FYN: variants seen among roughly 807,000 people sequenced by gnomAD.
FYN encodes the protein FYN proto-oncogene, Src family tyrosine kinase.
In FYN, 10 loss-of-function variants were observed where a neutral mutation model predicts 70.2. The observed-to-expected ratio is 0.14, with a 90% confidence interval of 0.09 to 0.24. The LOEUF (loss-of-function observed/expected upper bound fraction) is 0.24. FYN is among the 10% of genes least tolerant of loss of function. The probability of loss-of-function intolerance (pLI) is 1.00; values close to 1 mark genes in which losing one functional copy is unlikely to be tolerated. For missense variants in FYN, 319 were observed against 673.1 expected (o/e 0.47, Z 5.82); for synonymous variants, 236 against 248.6 (o/e 0.95, Z 0.48).
chr6:111,731,704 G>A lies in FYN; in HGVS notation c.-11-11642C>T, dbSNP rs553722898. ...GAAAGCATAGTCTATCTAATTCCAC[G>A]GCCTCTATGGGGACAGAATGGCTCA... is the stretch of plus-strand genomic sequence containing the variant. On this transcript the variant is annotated intron_variant, in intron 3 of 13. Coordinates refer to ENST00000354650, the MANE Select transcript of FYN (RefSeq NM_002037.5). 7.9e-5 allele frequency among the ~76,000 whole-genome samples: 12 copies of A among 152,222 alleles called. No individual in the cohort carries two copies. The East Asian group carries it at 1.5e-3, about 20-fold the overall frequency.
intron 3 of FYN, among the ~76,000 whole-genome samples, chr6:111,767,694 C>T (rs185207527): frequency 9.2e-5 from 14 of 152,344 alleles, no homozygotes; most frequent in African/African-American, 3.1e-4. Context: ...GTCACCCTGC[C>T]TGGCCCTTAG....
At chr6:111,856,698 T>G (rs1388917347) in intron 1 of FYN, among the ~76,000 whole-genome samples, 1 of 152,230 alleles carries the variant, frequency 6.6e-6, no homozygotes, top group African/African-American at 2.4e-5. Flanking sequence ...CTCTTTTCAA[T>G]TTAAATTATG....
intron 1 of FYN, among the ~76,000 whole-genome samples, chr6:111,848,365 T>A (rs1047687629): frequency 1.1e-4 from 17 of 152,312 alleles, no homozygotes; most frequent in African/African-American, 4.1e-4. Flanking sequence ...TCCAACAACA[T>A]AGGATGCCCA....
intron 12 of FYN, among the ~76,000 whole-genome samples, chr6:111,690,282 G>A (rs914279761): frequency 6.6e-6 from 1 of 152,076 alleles, no homozygotes; most frequent in African/African-American, 2.4e-5. Flanking sequence ...GTAGGGAGGT[G>A]GCTGTGACCA....
chr6:111,856,336 T>C (rs1212124142), intron 1 of FYN, among the ~76,000 whole-genome samples: 1 of 152,222 alleles, frequency 6.6e-6, no homozygotes, highest in Non-Finnish European at 1.5e-5. Context: ...AAGATATTAA[T>C]TTCAAATACT....
At chr6:111,852,954 C>G (rs1309880991) in intron 1 of FYN, among the ~76,000 whole-genome samples, 4 of 152,310 alleles carry the variant, frequency 2.6e-5, no homozygotes, top group Admixed American at 2.6e-4. Flanking sequence ...AGAGAAGCAA[C>G]AGAACCAGTT....
intron 3 of FYN, among the ~76,000 whole-genome samples, chr6:111,747,938 A>T (rs990519023): frequency 6.6e-6 from 1 of 152,256 alleles, no homozygotes; most frequent in Non-Finnish European, 1.5e-5. Flanking sequence ...AAACAGCCTC[A>T]GCGTCTATAC....
chr6:111,841,119 C>A (rs1230219480), intron 2 of FYN, among the ~76,000 whole-genome samples: 1 of 152,218 alleles, frequency 6.6e-6, no homozygotes, highest in African/African-American at 2.4e-5. Context: ...GTCTGGGAAC[C>A]AGCAGTGGAA....
chr6:111,687,605 G>GGTGT lies in FYN; in HGVS notation c.1273+6766_1273+6769dup, dbSNP rs367956399. Among the ~76,000 whole-genome samples the GGTGT allele has an allele frequency of 5.5e-3, 789 of 143,366 alleles. 7 individuals are homozygous for GGTGT. Among genetic ancestry groups the GGTGT allele is most frequent in the African/African-American group, 0.011 (405 of 37,300 alleles). The allele number at this position is 143,366 out of a possible 152,430, so 94.1% of individuals were successfully genotyped here. ...AGGAAAACCCAAAGTGGGGTGGGTG[G>GGTGT]GTGTGTGTGTGTGTGTGTGTGTGTG... On this transcript the variant is annotated intron_variant, in intron 12 of 13. Transcript: ENST00000354650.
intron 4 of FYN, 139 bp downstream of exon 4, chr6:111,719,666 A>T: frequency 1.0e-6 from 1 of 954,702 alleles, no homozygotes; most frequent in Non-Finnish European, 1.5e-6. Context: ...ACAACCCCTC[A>T]TCTAGTAGAG....
At chr6:111,841,572 A>T (rs1773358284) in intron 2 of FYN, among the ~76,000 whole-genome samples, 2 of 152,232 alleles carry the variant, frequency 1.3e-5, no homozygotes, top group African/African-American at 4.8e-5. Flanking sequence ...CAACCGAATA[A>T]GATAACATGT....
At chr6:111,849,737 G>A (rs898270792) in intron 1 of FYN, among the ~76,000 whole-genome samples, 9 of 152,174 alleles carry the variant, frequency 5.9e-5, no homozygotes, top group African/African-American at 2.2e-4. Context: ...CCTGGTGCTG[G>A]GCTATGCCTT....
At chr6:111,821,317 A>C (rs1234962774) in intron 2 of FYN, among the ~76,000 whole-genome samples, 2 of 152,196 alleles carry the variant, frequency 1.3e-5, no homozygotes, top group African/African-American at 4.8e-5. Context: ...CAGAGCCCTC[A>C]GAAATAATAC....
chr6:111,690,691 C>T (rs1799277849), intron 12 of FYN, among the ~76,000 whole-genome samples: 1 of 152,218 alleles, frequency 6.6e-6, no homozygotes, highest in Admixed American at 6.5e-5. Flanking sequence ...AAACACTTTA[C>T]ATGCATTGTT....
Position 111,694,612 on chromosome 6 carries a change from AC to A in FYN, c.1119+15del. On this transcript the variant is annotated intron_variant, in intron 11 of 13. Coordinates refer to ENST00000354650, the MANE Select transcript of FYN (RefSeq NM_002037.5). This position sits in a 1 kb window ranked among gnomAD's most constrained non-coding sequence, Gnocchi z 5.0. ...CATTAAATCTATGGCACATCAAGTT[AC>A]CCTGCAGGGCCTACCTGTGCTGCCA... The A allele has an allele frequency of 6.2e-7, 1 of 1,613,640 alleles. No individual in the cohort carries two copies. Among genetic ancestry groups the A allele is most frequent in the East Asian group, 2.2e-5 (1 of 44,890 alleles).
intron 12 of FYN, among the ~76,000 whole-genome samples, chr6:111,678,143 TGTGTGTG>T (rs1393096351): frequency 6.6e-6 from 1 of 151,170 alleles, no homozygotes; most frequent in East Asian, 1.9e-4. Context: ...TGTGTGTGTG[TGTGTGTG>T]GTGTGTGTAC....
At chr6:111,792,648 T>G (rs1490496695) in intron 2 of FYN, among the ~76,000 whole-genome samples, 1 of 152,234 alleles carries the variant, frequency 6.6e-6, no homozygotes, top group Non-Finnish European at 1.5e-5. Flanking sequence ...AAACTACTAC[T>G]TATAACAACA....
In FYN at chr6:111,674,599, G is replaced by C. The variant is rs765563112; in HGVS notation, c.1305C>G (p.Pro435=). ...TGAACCTCCCGTACAGGGCTGCCTC[G>C]GGGGCCGTCCACTTGATGGGGAACT... The part of the protein sequence containing the change: ...GAKFPIKWTA[P]EAALYGRFTI... Residue 435 remains proline (P), a synonymous_variant, in exon 13 of 14, where the codon CCC becomes CCG. Transcript: ENST00000354650. 1 of 1,613,516 alleles carries C rather than the reference G, an allele frequency of 6.2e-7. No individual in the cohort carries two copies. Among genetic ancestry groups the C allele is most frequent in the East Asian group, 2.2e-5 (1 of 44,848 alleles).
At chr6:111,736,409 A>G (rs915695602) in intron 3 of FYN, among the ~76,000 whole-genome samples, 1 of 152,224 alleles carries the variant, frequency 6.6e-6, no homozygotes, top group Non-Finnish European at 1.5e-5. Context: ...ACTCTTGCTC[A>G]TCCACCAGCA....
Sources: allele counts gnomAD v4.1 joint callset (sites outside exome capture counted in the v4.1 genomes callset), GRCh38; gene constraint gnomAD v4.1.1; non-coding constraint Gnocchi (gnomAD v3.1); transcripts MANE v1.5; gene names NCBI Gene and HGNC (gene_info 2026-07-23, HGNC 2026-07-21).